RERE: variants seen among roughly 807,000 people sequenced by gnomAD.
RERE encodes arginine-glutamic acid dipeptide repeats protein.
RERE carries 40 observed loss-of-function variants against 146.1 expected under a neutral mutation model. The observed-to-expected ratio is 0.27, with a 90% CI of 0.21 to 0.36. The LOEUF is 0.36. RERE is among the 10% of genes least tolerant of loss of function. The probability of loss-of-function intolerance (pLI) is 1.00; values close to 1 mark genes in which losing one functional copy is unlikely to be tolerated. For synonymous variants in RERE, 1,003 were observed against 866.0 expected, an observed-to-expected ratio of 1.16 and a Z score of -2.78; for missense variants, 1,933 against 2,138.7, an observed-to-expected ratio of 0.90 and a Z score of 1.90.
intron 12 of RERE, 149 bp from the exon 13 acceptor site, chr1:8,366,123 C>T: frequency 1.1e-6 from 1 of 875,132 alleles, no homozygotes; most frequent in Non-Finnish European, 1.7e-6. Context: ...GGGAGAGGAA[C>T]TGGGCTTGCC....
At chr1:8,466,530 T>TC (rs1644599565) in intron 10 of RERE, among the ~76,000 whole-genome samples, 1 of 152,146 alleles carries the variant, frequency 6.6e-6, no homozygotes, top group Non-Finnish European at 1.5e-5. Flanking sequence ...GGACCCCTAC[T>TC]CTTGCCTCAT....
In RERE at chr1:8,362,737, A is replaced by T. The variant is rs1214971646; in HGVS notation, c.1848T>A (p.Ala616=). 6.2e-7 allele frequency: 1 copy of T among 1,614,104 alleles called. No individual in the cohort carries two copies. The highest frequency in any genetic ancestry group is 8.5e-7 in the Non-Finnish European group (1 of 1,180,058). ...IRSSGRNSPS[A]ASTSSNDSKA... ...TACTGTCATTGCTGGAGGTACTGGC[A>T]GCGCTGGGGGAGTTCCGGCCGCTGG... The change falls in exon 16 of 23, where the codon GCT becomes GCA. Residue 616 remains alanine (A), a synonymous_variant. Transcript: ENST00000400908.
intron 1 of RERE, chr1:8,750,753 T>G (rs1640516467): frequency 1.3e-6 from 1 of 784,956 alleles, no homozygotes; most frequent in African/African-American, 1.7e-5. Flanking sequence ...TGAAAGGTGT[T>G]GCAGCTTCTT....
intron 12 of RERE, among the ~76,000 whole-genome samples, chr1:8,387,411 G>C (rs1229582468): frequency 6.6e-6 from 1 of 152,162 alleles, no homozygotes; most frequent in Non-Finnish European, 1.5e-5. Context: ...GACCAAGAGA[G>C]ATTTCTAACA....
At chr1:8,614,117 A>G (rs892667795) in intron 4 of RERE, among the ~76,000 whole-genome samples, 11 of 152,172 alleles carry the variant, frequency 7.2e-5, no homozygotes, top group Non-Finnish European at 1.6e-4. Context: ...AAGCCTCGCT[A>G]TTTCTGAGCA....
chr1:8,500,729 G>C (rs1037174071), intron 8 of RERE, among the ~76,000 whole-genome samples: 1 of 151,464 alleles, frequency 6.6e-6, no homozygotes, highest in East Asian at 1.9e-4. Flanking sequence ...AGTGAGGAGC[G>C]TCTCTGCCCG....
chr1:8,684,092 G>T (rs1396208614), intron 1 of RERE, among the ~76,000 whole-genome samples: 3 of 152,100 alleles, frequency 2.0e-5, no homozygotes, highest in Admixed American at 6.5e-5. Context: ...AGTTTTTTTG[G>T]TTTTTACCAC....
At chr1:8,675,137 C>T (rs1188572780) in intron 1 of RERE, among the ~76,000 whole-genome samples, 1 of 152,134 alleles carries the variant, frequency 6.6e-6, no homozygotes, top group Non-Finnish European at 1.5e-5. Context: ...CTCCTCCCTG[C>T]TTTACCTTGC....
At chr1:8,385,365 G>A (rs371502705) in intron 12 of RERE, among the ~76,000 whole-genome samples, 6 of 152,236 alleles carry the variant, frequency 3.9e-5, no homozygotes, top group South Asian at 2.1e-4. Context: ...AGAGGGTTCC[G>A]AACTCTCAAG....
chr1:8,355,681 C>G, intron 21 of RERE, 82 bp from the exon 22 acceptor site: 1 of 1,246,498 alleles, frequency 8.0e-7, no homozygotes, highest in East Asian at 2.6e-5. Context: ...CAGCAAACGG[C>G]AAAGAGCACA....
intron 1 of RERE, among the ~76,000 whole-genome samples, chr1:8,738,274 G>A (rs1314620702): frequency 6.6e-6 from 1 of 152,014 alleles, no homozygotes; most frequent in African/African-American, 2.4e-5. Flanking sequence ...CCTTTCTTTT[G>A]TTGTTGTTCT....
intron 2 of RERE, among the ~76,000 whole-genome samples, chr1:8,630,160 A>C (rs1208647333): frequency 3.3e-5 from 5 of 152,156 alleles, no homozygotes; most frequent in African/African-American, 7.2e-5. Context: ...AAGACACACA[A>C]AGAGTGTATA....
chr1:8,774,947 CTTTCTTTTTT>C (rs1641034281), intron 1 of RERE, among the ~76,000 whole-genome samples: 1 of 111,506 alleles, frequency 9.0e-6, no homozygotes. Flanking sequence ...TTTCTTCTTT[CTTTCTTTTTT>C]TTTTTTTTTT....
chr1:8,657,300 C>A (rs1638343146), intron 1 of RERE, among the ~76,000 whole-genome samples: 2 of 99,492 alleles, frequency 2.0e-5, no homozygotes, highest in African/African-American at 3.9e-5. Flanking sequence ...GCGAGAGACT[C>A]CGTCTCAAAA....
intron 1 of RERE, among the ~76,000 whole-genome samples, chr1:8,698,604 T>A (rs1054908083): frequency 6.6e-6 from 1 of 152,192 alleles, no homozygotes; most frequent in Non-Finnish European, 1.5e-5. Context: ...GAGAAACAAA[T>A]CTAATTGTTC....
intron 12 of RERE, among the ~76,000 whole-genome samples, chr1:8,402,410 G>A (rs1282985307): frequency 2.0e-5 from 3 of 152,098 alleles, no homozygotes; most frequent in Admixed American, 2.0e-4. Context: ...CAGAAATCAC[G>A]GCACAAAGAT....
Position 8,434,447 on chromosome 1 carries a change from A to C in RERE, c.1204-11640T>G, listed in dbSNP as rs74974357. On this transcript the variant is annotated intron_variant, in intron 11 of 22. Transcript: ENST00000400908. ...AACTGAAATTAAACCAACAAATCAA[A>C]CCACACATACCCACAAAATCTTTAC... is the stretch of plus-strand genomic sequence containing the variant. 4.0e-3 allele frequency among the ~76,000 whole-genome samples: 612 copies of C among 152,210 alleles called. 5 individuals carry two copies. The highest frequency in any genetic ancestry group is 6.3e-3 in the Non-Finnish European group (430 of 67,998).
At chr1:8,663,887 C>G (rs1456268904) in intron 1 of RERE, among the ~76,000 whole-genome samples, 1 of 152,128 alleles carries the variant, frequency 6.6e-6, no homozygotes, top group Non-Finnish European at 1.5e-5. Flanking sequence ...CTGTTCCCCG[C>G]CCCTTTGTCT....
chr1:8,613,309 A>G (rs1421623594), intron 4 of RERE, among the ~76,000 whole-genome samples: 5 of 152,178 alleles, frequency 3.3e-5, no homozygotes, highest in South Asian at 2.1e-4. Context: ...TTATATCTCC[A>G]CATCTGCCTC....
Sources: gnomAD v4.1 joint callset for allele counts (sites outside exome capture counted in the v4.1 genomes callset) on GRCh38, gnomAD v4.1.1 for gene constraint, MANE v1.5 for transcripts, NCBI Gene and HGNC (gene_info 2026-07-23, HGNC 2026-07-21) for gene names.